Variants in CPEB3 observed in about 807,000 individuals in gnomAD.
CPEB3 encodes the protein cytoplasmic polyadenylation element binding protein 3.
Under a neutral mutation model 67.2 loss-of-function variants are expected in CPEB3, and 20 were observed. That is an observed-to-expected ratio of 0.30 (90% CI 0.21 to 0.43). The LOEUF is 0.43. CPEB3 is among the 20% of genes least tolerant of loss of function. The pLI, the probability that CPEB3 is intolerant of heterozygous loss-of-function variation, is 1.00. For missense variants in CPEB3, 746 were observed against 968.6 expected, an observed-to-expected ratio of 0.77 and a Z score of 3.05; for synonymous variants, 376 against 393.1, an observed-to-expected ratio of 0.96 and a Z score of 0.51.
chr10:92,194,047 C>T (rs1234989746), intron 2 of CPEB3, among the ~76,000 whole-genome samples: 2 of 151,848 alleles, frequency 1.3e-5, no homozygotes, highest in African/African-American at 4.8e-5. Flanking sequence ...CCACCGGCCT[C>T]GGCCTCCCAA....
Position 92,081,362 on chromosome 10 carries a change from G to A in CPEB3, c.1827C>T (p.Ser609=), listed in dbSNP as rs567506674. 2.5e-5 allele frequency: 40 copies of A among 1,614,098 alleles called. No individual in the cohort carries two copies. Among genetic ancestry groups the A allele is most frequent in the Middle Eastern group, 3.3e-4 (2 of 6,084 alleles). The stretch of plus-strand genomic sequence containing the variant: ...TGTGCTGAAGCTGCACAAAACGAGC[G>A]CTGATGGCTGCAATGTAACTCTGCT... The part of the protein sequence containing the change: ...SNQQSYIAAI[S]ARFVQLQHND... Residue 609 remains serine, a synonymous_variant, in exon 9 of 10, where the codon AGC becomes AGT. Coordinates refer to ENST00000265997, the MANE Select transcript of CPEB3 (RefSeq NM_014912.5).
At chr10:92,089,681 G>A (rs572664036) in intron 8 of CPEB3, among the ~76,000 whole-genome samples, 49 of 152,194 alleles carry the variant, frequency 3.2e-4, no homozygotes, top group African/African-American at 1.1e-3. Flanking sequence ...TACTCGTGAA[G>A]CTGAGGCAGG....
chr10:92,120,156 A>T (rs901877813), intron 6 of CPEB3, among the ~76,000 whole-genome samples: 4 of 150,520 alleles, frequency 2.7e-5, no homozygotes, highest in African/African-American at 9.8e-5. Flanking sequence ...CACACCTGTA[A>T]CCCTAGCACT....
At chr10:92,122,081 AAAG>A (rs1845416172) in intron 6 of CPEB3, among the ~76,000 whole-genome samples, 1 of 152,208 alleles carries the variant, frequency 6.6e-6, no homozygotes, top group Admixed American at 6.5e-5. Flanking sequence ...TGAACAAGCC[AAAG>A]AAGAACCCTG....
At chr10:92,264,648 A>T (rs1365713561) in intron 1 of CPEB3, among the ~76,000 whole-genome samples, 1 of 148,264 alleles carries the variant, frequency 6.7e-6, no homozygotes, top group Non-Finnish European at 1.5e-5. Flanking sequence ...CCCGGGAGGC[A>T]GAGGTTGCAG....
At chr10:92,120,367 G>A (rs902097121) in intron 6 of CPEB3, among the ~76,000 whole-genome samples, 72 of 152,166 alleles carry the variant, frequency 4.7e-4, no homozygotes, top group African/African-American at 1.7e-3. Flanking sequence ...GGAGGATCAC[G>A]AGGTCAGGAG....
In CPEB3 at chr10:92,202,395, T is replaced by C. The variant is rs948787739; in HGVS notation, c.1006-9759A>G. Among the ~76,000 whole-genome samples, 13 of 151,420 alleles carry C rather than the reference T, an allele frequency of 8.6e-5. No individual in the cohort carries two copies. The Admixed American group carries it at 8.6e-4, about 10-fold the overall frequency. On this transcript the variant is annotated intron_variant, in intron 2 of 9. Transcript: ENST00000265997. ...CCAAACTGGAAACTACCCAAATGCC[T>C]ATCAACTGGTAAATGGATAAACAAA... is the stretch of plus-strand genomic sequence containing the variant.
At chr10:92,105,015 C>T (rs918871708) in intron 7 of CPEB3, among the ~76,000 whole-genome samples, 3 of 152,098 alleles carry the variant, frequency 2.0e-5, no homozygotes, top group Non-Finnish European at 1.5e-5. Flanking sequence ...ATCCTCCTGC[C>T]TCAGCCTCCC....
intron 7 of CPEB3, among the ~76,000 whole-genome samples, chr10:92,099,134 T>A (rs146633847): frequency 8.5e-5 from 13 of 152,098 alleles, no homozygotes; most frequent in Non-Finnish European, 1.9e-4. Flanking sequence ...AACTAAAGTT[T>A]CATCCTACTT....
intron 9 of CPEB3, among the ~76,000 whole-genome samples, chr10:92,074,739 A>C (rs1013799006): frequency 6.6e-6 from 1 of 152,214 alleles, no homozygotes; most frequent in Non-Finnish European, 1.5e-5. Context: ...TCCCAAGGGC[A>C]GTGGAACATA....
At chr10:92,211,003 T>C (rs963147934) in intron 2 of CPEB3, among the ~76,000 whole-genome samples, 8 of 152,156 alleles carry the variant, frequency 5.3e-5, no homozygotes, top group Non-Finnish European at 1.2e-4. Flanking sequence ...TGAGCTGAGA[T>C]CACATCACTG....
intron 2 of CPEB3, among the ~76,000 whole-genome samples, chr10:92,229,021 A>G (rs747675528): frequency 6.6e-6 from 1 of 151,394 alleles, no homozygotes; most frequent in Non-Finnish European, 1.5e-5. Flanking sequence ...CAATTTTTTA[A>G]AAAATATTTT....
At chr10:92,101,779 G>A (rs1204614549) in intron 7 of CPEB3, among the ~76,000 whole-genome samples, 1 of 152,142 alleles carries the variant, frequency 6.6e-6, no homozygotes, top group Non-Finnish European at 1.5e-5. Flanking sequence ...GTGGTGGTAT[G>A]TGCCTGAAAT....
At chr10:92,138,850 T>C (rs1344515947) in intron 6 of CPEB3, among the ~76,000 whole-genome samples, 1 of 152,166 alleles carries the variant, frequency 6.6e-6, no homozygotes, top group Non-Finnish European at 1.5e-5. Context: ...CTGCTAGGTA[T>C]ATATAACCAA....
chr10:92,176,597 G>A (rs1848230157), intron 4 of CPEB3, among the ~76,000 whole-genome samples: 1 of 152,204 alleles, frequency 6.6e-6, no homozygotes, highest in Non-Finnish European at 1.5e-5. Context: ...TACCTATCAA[G>A]CAACTTTCCG....
At chr10:92,189,565 C>A (rs1479612038) in intron 3 of CPEB3, among the ~76,000 whole-genome samples, 1 of 152,048 alleles carries the variant, frequency 6.6e-6, no homozygotes, top group African/African-American at 2.4e-5. Flanking sequence ...GAATTCACAC[C>A]CAGGTTTCAC....
chr10:92,073,098 T>G (rs1168637108), intron 9 of CPEB3, among the ~76,000 whole-genome samples: 1 of 134,480 alleles, frequency 7.4e-6, no homozygotes, highest in Non-Finnish European at 1.5e-5. Flanking sequence ...CCCAGGCAGG[T>G]ACAATCGTAG....
intron 2 of CPEB3, among the ~76,000 whole-genome samples, chr10:92,199,054 A>G (rs927148678): frequency 3.3e-5 from 5 of 152,254 alleles, no homozygotes; most frequent in Non-Finnish European, 5.9e-5. Context: ...TGCAACATAT[A>G]CATGGATAAA....
At chr10:92,070,153 A>G (rs1205779311) in intron 9 of CPEB3, among the ~76,000 whole-genome samples, 1 of 152,198 alleles carries the variant, frequency 6.6e-6, no homozygotes, top group Non-Finnish European at 1.5e-5. Context: ...GTTCTCTAAA[A>G]CATTATTTCC....
Sources: gnomAD v4.1 joint callset for allele counts (sites outside exome capture counted in the v4.1 genomes callset) on GRCh38, gnomAD v4.1.1 for gene constraint, MANE v1.5 for transcripts, NCBI Gene and HGNC (gene_info 2026-07-23, HGNC 2026-07-21) for gene names.